The following UBE2E2 variants were observed in gnomAD, a reference collection of about 807,000 sequenced individuals.
UBE2E2 encodes the protein ubiquitin conjugating enzyme E2 E2.
Under a neutral mutation model 24.7 loss-of-function variants are expected in UBE2E2, and 6 were observed. The ratio of observed to expected loss-of-function variants is 0.24; its 90% CI spans 0.13 to 0.48. The LOEUF is 0.48. UBE2E2 is among the 20% of genes least tolerant of loss of function. The pLI, the probability that UBE2E2 is intolerant of heterozygous loss-of-function variation, is 0.99. For synonymous variants in UBE2E2, 104 were observed against 83.6 expected (o/e 1.24, Z -1.33); for missense variants, 169 against 245.0 (o/e 0.69, Z 2.07).
intron 5 of UBE2E2, among the ~76,000 whole-genome samples, chr3:23,552,531 C>A (rs996665035): frequency 2.0e-5 from 3 of 152,106 alleles, no homozygotes; most frequent in Admixed American, 6.5e-5. Flanking sequence ...GGACAGTCAC[C>A]AAGGAGAGGT....
In UBE2E2 at chr3:23,356,601, CTTTT is replaced by C. The variant is rs374927218; in HGVS notation, c.227+139290_227+139293del. ...TTCCTTGACTCAACTTCTCATCTTT[CTTTT>C]ATGTATCCCAAAAAAGTTTGCTCCT... On this transcript the variant is annotated intron_variant, in intron 3 of 5. Coordinates refer to ENST00000396703, the MANE Select transcript of UBE2E2 (RefSeq NM_152653.4). Among the ~76,000 whole-genome samples, 298 of 152,284 alleles carry C rather than the reference CTTTT, an allele frequency of 2.0e-3. 1 individual carries two copies. Among genetic ancestry groups the C allele is most frequent in the African/African-American group, 6.2e-3 (258 of 41,570 alleles).
chr3:23,472,254 C>G (rs1287965843), intron 3 of UBE2E2, among the ~76,000 whole-genome samples: 1 of 152,140 alleles, frequency 6.6e-6, no homozygotes, highest in Non-Finnish European at 1.5e-5. Context: ...AGTTACAGCT[C>G]CCCCAGACAA....
At chr3:23,448,490 C>T (rs1698482251) in intron 3 of UBE2E2, among the ~76,000 whole-genome samples, 1 of 152,148 alleles carries the variant, frequency 6.6e-6, no homozygotes, top group Non-Finnish European at 1.5e-5. Context: ...TTTTTTAATA[C>T]ATGACCTAAT....
intron 3 of UBE2E2, among the ~76,000 whole-genome samples, chr3:23,286,650 T>C (rs1227473171): frequency 2.0e-5 from 3 of 152,188 alleles, no homozygotes; most frequent in Non-Finnish European, 4.4e-5. Flanking sequence ...TGTGGTTCCA[T>C]ACACATTTTA....
intron 2 of UBE2E2, among the ~76,000 whole-genome samples, chr3:23,212,493 A>T (rs1270046700): frequency 6.6e-6 from 1 of 152,188 alleles, no homozygotes; most frequent in African/African-American, 2.4e-5. Flanking sequence ...ACGGGTTGAT[A>T]CATCTGTAAA....
At chr3:23,438,464 G>T (rs1698230850) in intron 3 of UBE2E2, among the ~76,000 whole-genome samples, 1 of 152,136 alleles carries the variant, frequency 6.6e-6, no homozygotes, top group Non-Finnish European at 1.5e-5. Flanking sequence ...GAAGTTCCTT[G>T]AACTTAAATT....
chr3:23,549,574 T>A (rs576690728), intron 5 of UBE2E2, among the ~76,000 whole-genome samples: 1 of 152,300 alleles, frequency 6.6e-6, no homozygotes, highest in South Asian at 2.1e-4. Flanking sequence ...AATTAAAGAT[T>A]GTACTTCTGA....
chr3:23,461,745 A>G (rs1260278052), intron 3 of UBE2E2, among the ~76,000 whole-genome samples: 2 of 152,182 alleles, frequency 1.3e-5, no homozygotes, highest in East Asian at 1.9e-4. Flanking sequence ...AGATGAACAC[A>G]GTGTATTTCC....
chr3:23,259,024 A>G (rs1697823884), intron 3 of UBE2E2, among the ~76,000 whole-genome samples: 1 of 152,078 alleles, frequency 6.6e-6, no homozygotes, highest in Admixed American at 6.5e-5. Context: ...AATCCTTGAC[A>G]GTTTATTTCT....
chr3:23,568,244 C>T (rs1459282098), intron 5 of UBE2E2, among the ~76,000 whole-genome samples: 2 of 152,206 alleles, frequency 1.3e-5, no homozygotes, highest in African/African-American at 4.8e-5. Flanking sequence ...TTCACACCCA[C>T]TATCACAATT....
At chr3:23,570,583 T>G (rs2125511865) in intron 5 of UBE2E2, among the ~76,000 whole-genome samples, 1 of 152,358 alleles carries the variant, frequency 6.6e-6, no homozygotes, top group East Asian at 1.9e-4. Flanking sequence ...TACAGTACTC[T>G]TAAATGTAAA....
At chr3:23,400,533 G>A (rs1052659019) in intron 3 of UBE2E2, among the ~76,000 whole-genome samples, 4 of 151,578 alleles carry the variant, frequency 2.6e-5, no homozygotes, top group African/African-American at 9.7e-5. Flanking sequence ...TCTGTGAATA[G>A]GAGCATATGG....
intron 5 of UBE2E2, among the ~76,000 whole-genome samples, chr3:23,540,769 T>C (rs1695380158): frequency 6.6e-6 from 1 of 152,070 alleles, no homozygotes; most frequent in Non-Finnish European, 1.5e-5. Flanking sequence ...TGCTGGACTG[T>C]AGTGGCACAA....
intron 3 of UBE2E2, among the ~76,000 whole-genome samples, chr3:23,336,532 T>G (rs1695216450): frequency 6.6e-6 from 1 of 152,182 alleles, no homozygotes; most frequent in African/African-American, 2.4e-5. Flanking sequence ...TCTAAAAATT[T>G]CCAATCACCA....
intron 3 of UBE2E2, among the ~76,000 whole-genome samples, chr3:23,352,899 C>T (rs1360278915): frequency 6.6e-6 from 1 of 152,178 alleles, no homozygotes; most frequent in African/African-American, 2.4e-5. Flanking sequence ...CCAGCATCAT[C>T]CTGATACCAA....
chr3:23,582,151 C>T (rs1237361145), intron 5 of UBE2E2, among the ~76,000 whole-genome samples: 1 of 152,126 alleles, frequency 6.6e-6, no homozygotes, highest in East Asian at 1.9e-4. Flanking sequence ...TGAGAACATG[C>T]GGTATTTTGT....
At chr3:23,413,863 A>G (rs1697556558) in intron 3 of UBE2E2, among the ~76,000 whole-genome samples, 1 of 152,356 alleles carries the variant, frequency 6.6e-6, no homozygotes, top group South Asian at 2.1e-4. Flanking sequence ...ATGAGGAATC[A>G]TTCCACTACG....
At chr3:23,261,436 C>G (rs903450362) in intron 3 of UBE2E2, among the ~76,000 whole-genome samples, 2 of 152,062 alleles carry the variant, frequency 1.3e-5, no homozygotes, top group Non-Finnish European at 2.9e-5. Flanking sequence ...CGTGTATCAC[C>G]TTACGTAGTT....
intron 4 of UBE2E2, among the ~76,000 whole-genome samples, chr3:23,504,334 T>C (rs1475091511): frequency 6.6e-6 from 1 of 152,242 alleles, no homozygotes; most frequent in Non-Finnish European, 1.5e-5. Context: ...TTAATCACTT[T>C]CATGTGGCTG....
Sources: gnomAD v4.1 joint callset for allele counts (sites outside exome capture counted in the v4.1 genomes callset) on GRCh38, gnomAD v4.1.1 for gene constraint, MANE v1.5 for transcripts, NCBI Gene and HGNC (gene_info 2026-07-23, HGNC 2026-07-21) for gene names.